The following TNFRSF8 variants were observed in gnomAD, a reference collection of about 807,000 sequenced individuals.
TNFRSF8 encodes the protein tumor necrosis factor receptor superfamily member 8.
Under a neutral mutation model 70.8 loss-of-function variants are expected in TNFRSF8, and 26 were observed. The observed-to-expected ratio is 0.37, with a 90% CI of 0.27 to 0.51. TNFRSF8 has a LOEUF of 0.51. Ranked by LOEUF, TNFRSF8 falls within the 20% of genes least tolerant of loss-of-function variation. TNFRSF8 has a pLI of 0.94. For synonymous variants in TNFRSF8, 356 were observed against 339.2 expected, an observed-to-expected ratio of 1.05 and a Z score of -0.54; for missense variants, 720 against 807.9, an observed-to-expected ratio of 0.89 and a Z score of 1.32.
chr1:12,110,335 T>C lies in TNFRSF8; in HGVS notation c.676+131T>C. ...TCCTGGTGGGGAGAGAAGACGGTGG[T>C]AAGGTATGATCTAGGGCTGAAAGCA... On this transcript the variant is annotated intron_variant, in intron 6 of 14. Coordinates refer to ENST00000263932, the MANE Select transcript of TNFRSF8 (RefSeq NM_001243.5). This position sits in a 1 kb window ranked among gnomAD's most constrained non-coding sequence, Gnocchi z 4.0. 1.0e-6 allele frequency: 1 copy of C among 967,760 alleles called. No homozygotes were observed. The highest frequency in any genetic ancestry group is 1.5e-6 in the Non-Finnish European group (1 of 680,060). 59.9% of individuals were successfully genotyped at this position (967,760 alleles called of 1,614,324 possible).
In TNFRSF8 at chr1:12,063,456, A is replaced by T; in HGVS notation, c.-143A>T. ...TCGCGGCGTGCGTTGGGTGCGGACT[A>T]GGTGGCCGCGGCGGGAGTGTGCTGG... On this transcript the variant is annotated 5_prime_UTR_variant, in exon 1 of 15. Transcript: ENST00000263932. The surrounding 1 kb of genome is among the most constrained non-coding windows in gnomAD (Gnocchi z 7.2). 1 of 591,660 alleles carries T rather than the reference A, an allele frequency of 1.7e-6. No individual in the cohort carries two copies. The allele number at this position is 591,660 out of a possible 1,614,324, so 36.7% of individuals were successfully genotyped here.
intron 12 of TNFRSF8, among the ~76,000 whole-genome samples, chr1:12,128,413 C>A (rs76577095): frequency 0.024 from 3,580 of 152,316 alleles, 123 homozygotes; most frequent in African/African-American, 0.083. Context: ...CCAACCAGCC[C>A]TCGAGTGGAT....
intron 12 of TNFRSF8, among the ~76,000 whole-genome samples, chr1:12,127,571 C>T (rs909591352): frequency 6.6e-6 from 1 of 152,260 alleles, no homozygotes; most frequent in Non-Finnish European, 1.5e-5. Context: ...TGCAGAGGCC[C>T]TTGCATAGGC....
At position 12,084,649 on chromosome 1, in the gene TNFRSF8, GTCA is replaced by G. The variant is rs1641122248; in HGVS notation, c.151+101_151+103del. On this transcript the variant is annotated intron_variant, in intron 2 of 14. Coordinates refer to ENST00000263932, the MANE Select transcript of TNFRSF8 (RefSeq NM_001243.5). ...ATGAGTGGGGAAATTGGAGCCAACC[GTCA>G]TCGTCATAATTGGCTACAGTTTTCT... 2.1e-5 allele frequency: 24 copies of G among 1,131,234 alleles called. 1 individual carries two copies. Among genetic ancestry groups the G allele is most frequent in the Middle Eastern group, 2.8e-4 (1 of 3,552 alleles). The allele number at this position is 1,131,234 out of a possible 1,614,324, so 70.1% of individuals were successfully genotyped here.
At chr1:12,124,848 CAAAACAAAACA>C (rs1207934026) in intron 10 of TNFRSF8, among the ~76,000 whole-genome samples, 9 of 145,262 alleles carry the variant, frequency 6.2e-5, no homozygotes, top group African/African-American at 2.2e-4. Context: ...CAAAACAAAA[CAAAACAAAACA>C]AAACAAAACA....
chr1:12,073,436 C>T (rs907534803), intron 1 of TNFRSF8, among the ~76,000 whole-genome samples: 17 of 151,510 alleles, frequency 1.1e-4, no homozygotes, highest in Admixed American at 2.6e-4. Flanking sequence ...ATCTCTCTCT[C>T]TCTTTTCTTC....
At chr1:12,096,846 T>C (rs1570019923) in intron 2 of TNFRSF8, among the ~76,000 whole-genome samples, 5 of 152,224 alleles carry the variant, frequency 3.3e-5, no homozygotes, top group Admixed American at 3.3e-4. Flanking sequence ...AATTGGCAAA[T>C]GGCAGCCCTA....
chr1:12,116,502 A>G (rs1414473920), intron 8 of TNFRSF8, among the ~76,000 whole-genome samples: 1 of 152,068 alleles, frequency 6.6e-6, no homozygotes, highest in Non-Finnish European at 1.5e-5. Context: ...AAGAGTGGTG[A>G]CAAAACCAAG....
At chr1:12,116,763 G>A (rs1202432358) in intron 8 of TNFRSF8, among the ~76,000 whole-genome samples, 1 of 152,030 alleles carries the variant, frequency 6.6e-6, no homozygotes, top group African/African-American at 2.4e-5. Flanking sequence ...TTGCACCACT[G>A]AACTCCAGCC....
At chr1:12,083,984 A>G (rs986983030) in intron 1 of TNFRSF8, among the ~76,000 whole-genome samples, 14 of 152,166 alleles carry the variant, frequency 9.2e-5, no homozygotes, top group African/African-American at 3.4e-4. Flanking sequence ...CCATTTGATG[A>G]GTTGGGTGCT....
At chr1:12,125,924 A>G (rs369695198) in intron 10 of TNFRSF8, 27 bp from the exon 11 acceptor site, 10 of 1,595,082 alleles carry the variant, frequency 6.3e-6, no homozygotes, top group Non-Finnish European at 8.6e-6. Flanking sequence ...AGCAAGGCAA[A>G]GAGTGTGGGG....
intron 7 of TNFRSF8, 145 bp from the exon 8 acceptor site, chr1:12,115,432 C>A: frequency 1.1e-6 from 1 of 891,242 alleles, no homozygotes. Flanking sequence ...GCTGGGAGAG[C>A]TGCTCAACGG....
chr1:12,114,700 T>TTC (rs1280552965), intron 7 of TNFRSF8, among the ~76,000 whole-genome samples: 6 of 68,142 alleles, frequency 8.8e-5, no homozygotes, highest in Non-Finnish European at 1.4e-4. Context: ...AAATCTTTTT[T>TTC]TTTTTTTTTT....
intron 10 of TNFRSF8, among the ~76,000 whole-genome samples, chr1:12,124,531 G>C (rs1444203612): frequency 6.6e-6 from 1 of 152,116 alleles, no homozygotes; most frequent in African/African-American, 2.4e-5. Flanking sequence ...CTCTGTCAGA[G>C]TTAGCTCTTA....
chr1:12,085,511 C>T (rs1641139232), intron 2 of TNFRSF8, among the ~76,000 whole-genome samples: 2 of 152,190 alleles, frequency 1.3e-5, no homozygotes, highest in African/African-American at 4.8e-5. Flanking sequence ...CTCAGCCTCC[C>T]AAAGCACTGG....
chr1:12,134,242 C>A (rs559717712), intron 12 of TNFRSF8, among the ~76,000 whole-genome samples: 1 of 152,134 alleles, frequency 6.6e-6, no homozygotes, highest in Non-Finnish European at 1.5e-5. Flanking sequence ...GGCTGACATA[C>A]GGGCATCTTG....
intron 1 of TNFRSF8, among the ~76,000 whole-genome samples, chr1:12,081,202 C>A (rs948703536): frequency 9.2e-5 from 14 of 152,208 alleles, no homozygotes; most frequent in Non-Finnish European, 1.9e-4. Flanking sequence ...CAGAGCCCCC[C>A]AGGTGTGCCC....
intron 13 of TNFRSF8, among the ~76,000 whole-genome samples, chr1:12,136,291 T>TG (rs1467086786): frequency 6.6e-6 from 1 of 152,152 alleles, no homozygotes; most frequent in Non-Finnish European, 1.5e-5. Context: ...ATTCAACAAT[T>TG]TGTAAGGTAA....
chr1:12,124,694 C>T (rs2486311), intron 10 of TNFRSF8, among the ~76,000 whole-genome samples: 16,209 of 151,972 alleles, frequency 0.11, 1,246 homozygotes, highest in African/African-American at 0.21. Flanking sequence ...TGGTGGCGCG[C>T]GCCTGTAATC....
Sources: allele counts gnomAD v4.1 joint callset (sites outside exome capture counted in the v4.1 genomes callset), GRCh38; gene constraint gnomAD v4.1.1; non-coding constraint Gnocchi (gnomAD v3.1); transcripts MANE v1.5; gene names NCBI Gene and HGNC (gene_info 2026-07-23, HGNC 2026-07-21).